Variants in MYO1E observed in about 807,000 individuals in gnomAD.
The protein encoded by MYO1E is unconventional myosin-Ie.
A neutral mutation model predicts 151.1 loss-of-function variants in MYO1E; 68 were observed. The observed-to-expected ratio is 0.45, with a 90% confidence interval of 0.37 to 0.55. The LOEUF is 0.55. Among genes scored for constraint, MYO1E ranks in the 20% least tolerant of loss-of-function variants. The pLI, the probability that MYO1E is intolerant of heterozygous loss-of-function variation, is 0.00. For missense variants in MYO1E, 1,363 were observed against 1,389.3 expected (o/e 0.98, Z 0.30); for synonymous variants, 601 against 501.7 (o/e 1.20, Z -2.64).
intron 1 of MYO1E, among the ~76,000 whole-genome samples, chr15:59,292,966 C>A (rs1006063098): frequency 2.6e-5 from 4 of 152,126 alleles, no homozygotes; most frequent in African/African-American, 9.7e-5. Context: ...GGGGAGGCCT[C>A]GGCTCATAAA....
chr15:59,230,904 G>A (rs550597010), intron 6 of MYO1E, among the ~76,000 whole-genome samples: 7 of 152,320 alleles, frequency 4.6e-5, no homozygotes, highest in Non-Finnish European at 8.8e-5. Flanking sequence ...GTTGAAATAA[G>A]ATGCAAAATC....
chr15:59,163,100 C>T (rs550169549), intron 23 of MYO1E, 57 bp downstream of exon 23: 36 of 1,592,006 alleles, frequency 2.3e-5, no homozygotes, highest in East Asian at 1.1e-4. Flanking sequence ...CGCAGGGGTG[C>T]GATCAAGACC....
At chr15:59,288,568 T>C (rs948719194) in intron 1 of MYO1E, among the ~76,000 whole-genome samples, 9 of 152,150 alleles carry the variant, frequency 5.9e-5, no homozygotes, top group African/African-American at 2.2e-4. Flanking sequence ...AAGTTTTGCA[T>C]TGGTTATTAA....
chr15:59,303,290 C>G (rs2080494251), intron 1 of MYO1E, among the ~76,000 whole-genome samples: 1 of 152,160 alleles, frequency 6.6e-6, no homozygotes, highest in South Asian at 2.1e-4. Flanking sequence ...TGGCATGTGC[C>G]TGTAGTTCTA....
At chr15:59,371,050 G>C (rs529446123) in intron 1 of MYO1E, among the ~76,000 whole-genome samples, 3 of 152,274 alleles carry the variant, frequency 2.0e-5, no homozygotes, top group African/African-American at 7.2e-5. Context: ...AACTAGAAGA[G>C]GAAATGTATA....
chr15:59,155,832 C>T (rs1338997704), intron 25 of MYO1E, among the ~76,000 whole-genome samples: 9 of 151,420 alleles, frequency 5.9e-5, no homozygotes, highest in Non-Finnish European at 8.8e-5. Context: ...TGGTGAGATT[C>T]CAGAGACTAA....
rs543068044 is a variant in MYO1E at position 59,296,845 on chromosome 15, T to TC, written c.4-24397_4-24396insG. On this transcript the variant is annotated intron_variant, in intron 1 of 27. Transcript: ENST00000288235. The stretch of plus-strand genomic sequence containing the variant: ...AGAATTCACATACTTTTTTCTTTTT[T>TC]TTTTTTTTTTTTGAGATGGAATCTC... 3.0e-3 allele frequency among the ~76,000 whole-genome samples: 451 copies of TC among 148,328 alleles called. 2 individuals carry two copies. The highest frequency in any genetic ancestry group is 6.0e-3 in the Non-Finnish European group (400 of 67,082).
At chr15:59,243,351 G>T (rs1000280800) in intron 4 of MYO1E, among the ~76,000 whole-genome samples, 1 of 152,176 alleles carries the variant, frequency 6.6e-6, no homozygotes, top group African/African-American at 2.4e-5. Context: ...TTGGAGGTAC[G>T]ATGTGTTCAT....
intron 1 of MYO1E, among the ~76,000 whole-genome samples, chr15:59,307,212 G>A (rs967445449): frequency 6.6e-6 from 1 of 152,202 alleles, no homozygotes; most frequent in Non-Finnish European, 1.5e-5. Context: ...ACATCACCCA[G>A]GGAGCTGCTG....
intron 26 of MYO1E, among the ~76,000 whole-genome samples, chr15:59,139,530 C>A (rs2079396458): frequency 6.7e-6 from 1 of 149,178 alleles, no homozygotes; most frequent in South Asian, 2.1e-4. Context: ...CCTCCTACCC[C>A]CTCATTATTA....
chr15:59,209,814 CCTTT>C (rs1566979721), intron 13 of MYO1E, among the ~76,000 whole-genome samples: 2 of 99,462 alleles, frequency 2.0e-5, no homozygotes, highest in African/African-American at 9.3e-5. Flanking sequence ...TTTTGAATCA[CCTTT>C]TTTTTTTTTT....
chr15:59,187,404 C>G (rs1349941545), intron 18 of MYO1E, among the ~76,000 whole-genome samples: 1 of 152,202 alleles, frequency 6.6e-6, no homozygotes, highest in Non-Finnish European at 1.5e-5. Context: ...CCACTCCACA[C>G]TCACTAGGAT....
chr15:59,169,501 T>A (rs1421796418), intron 22 of MYO1E, among the ~76,000 whole-genome samples: 1 of 152,236 alleles, frequency 6.6e-6, no homozygotes, highest in African/African-American at 2.4e-5. Context: ...TTATTCATCT[T>A]GGCAAGTGTG....
At chr15:59,295,104 C>G (rs574601604) in intron 1 of MYO1E, among the ~76,000 whole-genome samples, 5 of 152,060 alleles carry the variant, frequency 3.3e-5, no homozygotes, top group African/African-American at 1.2e-4. Flanking sequence ...AATAAAGAGC[C>G]ATGCACATAA....
intron 1 of MYO1E, among the ~76,000 whole-genome samples, chr15:59,300,311 C>A (rs1224562442): frequency 5.3e-5 from 8 of 151,994 alleles, no homozygotes; most frequent in African/African-American, 1.7e-4. Context: ...CACACACACA[C>A]ACAGACACAC....
chr15:59,336,190 C>G (rs1196238502), intron 1 of MYO1E, among the ~76,000 whole-genome samples: 1 of 151,802 alleles, frequency 6.6e-6, no homozygotes, highest in Non-Finnish European at 1.5e-5. Flanking sequence ...GGACAACATG[C>G]CAAAACGCCA....
Position 59,172,061 on chromosome 15 carries a change from T to C in MYO1E, c.2335-19A>G, listed in dbSNP as rs747271331. On this transcript the variant is annotated intron_variant, in intron 21 of 27. Coordinates refer to ENST00000288235, the MANE Select transcript of MYO1E (RefSeq NM_004998.4). ...TTACACCCTGTAAGGAGAGGAGCTT[T>C]AAGAAGCTGGACAGGCCAGGCATGG... 6.2e-7 allele frequency: 1 copy of C among 1,612,958 alleles called. No homozygotes were observed. Among genetic ancestry groups the C allele is most frequent in the South Asian group, 1.1e-5 (1 of 91,064 alleles).
chr15:59,229,204 G>C (rs908933011), intron 6 of MYO1E, among the ~76,000 whole-genome samples: 2 of 152,188 alleles, frequency 1.3e-5, no homozygotes, highest in African/African-American at 4.8e-5. Flanking sequence ...GTGTTGGACA[G>C]GCAAGCTCCC....
chr15:59,235,335 TTTC>T (rs765108748), intron 5 of MYO1E, among the ~76,000 whole-genome samples: 1 of 152,202 alleles, frequency 6.6e-6, no homozygotes, highest in Non-Finnish European at 1.5e-5. Flanking sequence ...TTGTTGACAG[TTTC>T]TTGTGTATAC....
Sources: allele counts gnomAD v4.1 joint callset (sites outside exome capture counted in the v4.1 genomes callset), GRCh38; gene constraint gnomAD v4.1.1; transcripts MANE v1.5; gene names NCBI Gene and HGNC (gene_info 2026-07-23, HGNC 2026-07-21).